Variants in FHIT observed in about 807,000 individuals in gnomAD.
FHIT encodes bis(5'-adenosyl)-triphosphatase.
Under a neutral mutation model 17.9 loss-of-function variants are expected in FHIT, and 19 were observed. That is an observed-to-expected ratio of 1.06 (90% confidence interval 0.74 to 1.56). The LOEUF (loss-of-function observed/expected upper bound fraction) is 1.56, where lower values mean the gene tolerates loss of function less well. FHIT is among the 40% of genes most tolerant of loss of function. The pLI is 0.00. For missense variants in FHIT, 248 were observed against 189.2 expected, an observed-to-expected ratio of 1.31 and a Z score of -1.82; for synonymous variants, 81 against 69.7, an observed-to-expected ratio of 1.16 and a Z score of -0.81.
chr3:59,914,565 T>A (rs924687003), intron 8 of FHIT, among the ~76,000 whole-genome samples: 2 of 152,220 alleles, frequency 1.3e-5, no homozygotes, highest in African/African-American at 4.8e-5. Context: ...GGTGATAATT[T>A]AAAAATAAAA....
chr3:60,603,605 T>C (rs6775612), intron 4 of FHIT, among the ~76,000 whole-genome samples: 43,473 of 151,936 alleles, frequency 0.29, 6,684 homozygotes, highest in East Asian at 0.55. Flanking sequence ...TGTAAAAATA[T>C]ACAATCACCA....
chr3:60,538,304 G>GGAA (rs1180413157), intron 4 of FHIT, among the ~76,000 whole-genome samples: 1 of 152,156 alleles, frequency 6.6e-6, no homozygotes, highest in Non-Finnish European at 1.5e-5. Flanking sequence ...ACAAACAAAT[G>GGAA]GAAGAACATT....
chr3:60,945,448 A>G (rs2107437261), intron 3 of FHIT, among the ~76,000 whole-genome samples: 1 of 152,222 alleles, frequency 6.6e-6, no homozygotes, highest in South Asian at 2.1e-4. Context: ...ACTGGAGTGC[A>G]GTGGTACAAT....
chr3:60,279,250 T>G (rs1352808038), intron 5 of FHIT, among the ~76,000 whole-genome samples: 2 of 152,060 alleles, frequency 1.3e-5, no homozygotes, highest in Non-Finnish European at 2.9e-5. Context: ...TAAAGAAATA[T>G]GATGAACAAC....
At chr3:60,658,849 C>A (rs2040175998) in intron 4 of FHIT, among the ~76,000 whole-genome samples, 1 of 151,928 alleles carries the variant, frequency 6.6e-6, no homozygotes, top group African/African-American at 2.4e-5. Context: ...TTACGGAGAA[C>A]TTTATTTCTT....
chr3:60,241,100 C>T (rs546780863), intron 5 of FHIT, among the ~76,000 whole-genome samples: 10 of 151,988 alleles, frequency 6.6e-5, no homozygotes, highest in South Asian at 2.1e-4. Context: ...TTTTAGGAAA[C>T]GGGGGTGGAA....
chr3:59,753,534 G>C (rs189341516), intron 8 of FHIT, among the ~76,000 whole-genome samples: 118 of 152,112 alleles, frequency 7.8e-4, no homozygotes, highest in Non-Finnish European at 1.1e-3. Flanking sequence ...CCTGTGTGTG[G>C]CTCTATACAT....
chr3:60,942,428 C>T (rs1708455028), intron 3 of FHIT, among the ~76,000 whole-genome samples: 1 of 151,954 alleles, frequency 6.6e-6, no homozygotes, highest in African/African-American at 2.4e-5. Context: ...ATAGGGTATC[C>T]CTGTTAATTA....
chr3:60,075,202 G>A (rs1185116869), intron 5 of FHIT, among the ~76,000 whole-genome samples: 1 of 152,082 alleles, frequency 6.6e-6, no homozygotes, highest in Non-Finnish European at 1.5e-5. Flanking sequence ...TAAAATAGCA[G>A]ACTGCCTGTC....
chr3:60,055,270 G>A (rs756837871), intron 5 of FHIT, among the ~76,000 whole-genome samples: 13 of 152,160 alleles, frequency 8.5e-5, no homozygotes, highest in Middle Eastern at 3.4e-3. Context: ...ACAGGGAAGT[G>A]ACATCTAGAG....
At chr3:59,818,014 C>T (rs1198004433) in intron 8 of FHIT, among the ~76,000 whole-genome samples, 1 of 151,884 alleles carries the variant, frequency 6.6e-6, no homozygotes, top group Non-Finnish European at 1.5e-5. Context: ...ACACCCACAA[C>T]TTCTGGTTCT....
At chr3:60,699,009 T>G (rs1011822151) in intron 4 of FHIT, among the ~76,000 whole-genome samples, 7 of 152,210 alleles carry the variant, frequency 4.6e-5, no homozygotes, top group African/African-American at 7.2e-5. Flanking sequence ...ACTAATCAAC[T>G]GTTTTATGAA....
intron 5 of FHIT, among the ~76,000 whole-genome samples, chr3:60,197,712 T>A (rs1702710145): frequency 6.6e-6 from 1 of 152,134 alleles, no homozygotes; most frequent in African/African-American, 2.4e-5. Flanking sequence ...TGAAAAACAT[T>A]TCTTCTTTGT....
At chr3:60,715,234 G>A (rs1422991897) in intron 4 of FHIT, among the ~76,000 whole-genome samples, 209 of 151,874 alleles carry the variant, frequency 1.4e-3, no homozygotes, top group African/African-American at 4.9e-3. Flanking sequence ...CTAGCCATAG[G>A]TAGAAAGCTG....
At chr3:60,626,501 T>C (rs561433690) in intron 4 of FHIT, among the ~76,000 whole-genome samples, 1 of 152,348 alleles carries the variant, frequency 6.6e-6, no homozygotes, top group South Asian at 2.1e-4. Context: ...AGTTTCATTT[T>C]CTGATTGTCT....
At chr3:61,199,264 T>C (rs536880233) in intron 2 of FHIT, among the ~76,000 whole-genome samples, 1 of 152,346 alleles carries the variant, frequency 6.6e-6, no homozygotes, top group African/African-American at 2.4e-5. Context: ...GCACCATATC[T>C]GTGCCAAAAG....
intron 5 of FHIT, among the ~76,000 whole-genome samples, chr3:60,325,965 G>C (rs958435789): frequency 6.6e-6 from 1 of 152,122 alleles, no homozygotes; most frequent in Non-Finnish European, 1.5e-5. Context: ...ATTCAAAGGG[G>C]AACATGATGC....
chr3:59,854,443 T>C (rs1173732378), intron 8 of FHIT, among the ~76,000 whole-genome samples: 1 of 152,162 alleles, frequency 6.6e-6, no homozygotes, highest in African/African-American at 2.4e-5. Context: ...CCAATGAGCA[T>C]CCCAATCATC....
At chr3:60,846,721 C>T (rs1702938001) in intron 3 of FHIT, among the ~76,000 whole-genome samples, 2 of 152,206 alleles carry the variant, frequency 1.3e-5, no homozygotes, top group African/African-American at 4.8e-5. Context: ...GCTGTAAACC[C>T]TCCAACAGGG....
Sources: gnomAD v4.1 joint callset for allele counts (sites outside exome capture counted in the v4.1 genomes callset) on GRCh38, gnomAD v4.1.1 for gene constraint, MANE v1.5 for transcripts, NCBI Gene and HGNC (gene_info 2026-07-23, HGNC 2026-07-21) for gene names.